Variants in SNTG1 observed in about 807,000 individuals in gnomAD.
SNTG1 encodes syntrophin gamma 1.
A neutral mutation model predicts 74.7 loss-of-function variants in SNTG1; 39 were observed. The ratio of observed to expected loss-of-function variants is 0.52; its 90% CI spans 0.40 to 0.68. The LOEUF is 0.68. Among genes scored for constraint, SNTG1 ranks in the 30% least tolerant of loss-of-function variants. SNTG1 has a pLI of 0.00. For synonymous variants in SNTG1, 254 were observed against 217.1 expected, an observed-to-expected ratio of 1.17 and a Z score of -1.49; for missense variants, 685 against 609.5, an observed-to-expected ratio of 1.12 and a Z score of -1.30.
chr8:49,964,893 T>C lies in SNTG1; in HGVS notation c.-103+52662T>C, dbSNP rs115466365. ...TGTATTTCATTTTTTCTATAATTGA[T>C]AGCCATGTATGGCACATTAAGTATT... On this transcript the variant is annotated intron_variant, in intron 1 of 18. Coordinates refer to ENST00000642720, the MANE Select transcript of SNTG1 (RefSeq NM_018967.5). Among the ~76,000 whole-genome samples the C allele has an allele frequency of 8.0e-3, 1,213 of 152,344 alleles. 14 individuals carry two copies. The highest frequency in any genetic ancestry group is 0.025 in the African/African-American group (1,058 of 41,572).
At chr8:50,552,861 A>C (rs527613257) in intron 11 of SNTG1, among the ~76,000 whole-genome samples, 189 bp from the exon 12 acceptor site, 112 of 152,298 alleles carry the variant, frequency 7.4e-4, no homozygotes, top group African/African-American at 2.6e-3. Context: ...TTGAAATTGT[A>C]TGTCATTTGG....
intron 1 of SNTG1, among the ~76,000 whole-genome samples, chr8:50,117,566 G>A (rs955434673): frequency 1.3e-5 from 2 of 152,132 alleles, no homozygotes; most frequent in African/African-American, 2.4e-5. Context: ...GTAGGGCATG[G>A]CACCAGTCCT....
At chr8:50,756,976 G>A (rs2095582151) in intron 18 of SNTG1, among the ~76,000 whole-genome samples, 1 of 151,638 alleles carries the variant, frequency 6.6e-6, no homozygotes, top group Admixed American at 6.6e-5. Flanking sequence ...GAATTTTTAT[G>A]TATTTAATTA....
intron 8 of SNTG1, among the ~76,000 whole-genome samples, chr8:50,455,605 T>C (rs1427378535): frequency 6.6e-6 from 1 of 152,214 alleles, no homozygotes. Flanking sequence ...TTATGATATA[T>C]GCCTAAGTCA....
At chr8:50,763,723 T>G (rs2095605639) in intron 18 of SNTG1, among the ~76,000 whole-genome samples, 1 of 147,854 alleles carries the variant, frequency 6.8e-6, no homozygotes, top group African/African-American at 2.5e-5. Context: ...AAGATAATTC[T>G]GTGTTCAGGG....
At chr8:50,646,569 T>C (rs1208115440) in intron 13 of SNTG1, among the ~76,000 whole-genome samples, 1 of 152,200 alleles carries the variant, frequency 6.6e-6, no homozygotes, top group Admixed American at 6.5e-5. Context: ...TTTTTTCAGT[T>C]TTATTATTTA....
chr8:50,268,445 G>A (rs931289377), intron 2 of SNTG1, among the ~76,000 whole-genome samples: 3 of 151,914 alleles, frequency 2.0e-5, no homozygotes, highest in African/African-American at 7.3e-5. Flanking sequence ...AAACATATAT[G>A]GAAATGCTCT....
At chr8:50,782,782 C>G (rs534637270) in intron 18 of SNTG1, among the ~76,000 whole-genome samples, 1 of 152,106 alleles carries the variant, frequency 6.6e-6, no homozygotes, top group Non-Finnish European at 1.5e-5. Flanking sequence ...AGAGGTGCTC[C>G]GGTTTTTAGA....
At chr8:50,094,443 G>T (rs1226691553) in intron 1 of SNTG1, among the ~76,000 whole-genome samples, 1 of 151,946 alleles carries the variant, frequency 6.6e-6, no homozygotes, top group East Asian at 1.9e-4. Flanking sequence ...TCTGACAAAG[G>T]TCTAATATCC....
intron 1 of SNTG1, among the ~76,000 whole-genome samples, chr8:50,030,517 T>C (rs540752534): frequency 4.9e-4 from 75 of 152,222 alleles, no homozygotes; most frequent in African/African-American, 1.7e-3. Context: ...AGTGGTTTTT[T>C]AATATATGGT....
intron 1 of SNTG1, among the ~76,000 whole-genome samples, chr8:50,153,777 T>C (rs1450193250): frequency 6.6e-6 from 1 of 152,152 alleles, no homozygotes; most frequent in African/African-American, 2.4e-5. Context: ...TCGTCTCAGA[T>C]GGGTACCCAG....
chr8:50,245,640 A>T (rs1401538751), intron 2 of SNTG1, among the ~76,000 whole-genome samples: 1 of 151,998 alleles, frequency 6.6e-6, no homozygotes, highest in Non-Finnish European at 1.5e-5. Flanking sequence ...CCGAGATTGC[A>T]CCACTGCACT....
chr8:49,956,341 A>C (rs535785589), intron 1 of SNTG1, among the ~76,000 whole-genome samples: 2 of 152,216 alleles, frequency 1.3e-5, no homozygotes, highest in Non-Finnish European at 2.9e-5. Context: ...GAAGTATCCA[A>C]ATTGACAAAA....
chr8:50,402,484 A>C, intron 4 of SNTG1, 140 bp downstream of exon 4: 1 of 1,044,852 alleles, frequency 9.6e-7, no homozygotes, highest in East Asian at 2.5e-5. Context: ...TTACATCATT[A>C]AGTAATCAGC....
intron 2 of SNTG1, among the ~76,000 whole-genome samples, chr8:50,231,712 G>A (rs778762071): frequency 6.0e-5 from 9 of 151,216 alleles, no homozygotes; most frequent in Non-Finnish European, 1.2e-4. Flanking sequence ...ACAAAGGCTG[G>A]GGACTGGGGA....
chr8:50,662,943 A>T (rs2095231995), intron 15 of SNTG1, among the ~76,000 whole-genome samples: 1 of 152,198 alleles, frequency 6.6e-6, no homozygotes, highest in Non-Finnish European at 1.5e-5. Flanking sequence ...ACTAGGTATT[A>T]AGGATAAATA....
intron 2 of SNTG1, among the ~76,000 whole-genome samples, chr8:50,393,959 G>C (rs980183778): frequency 3.3e-5 from 5 of 152,174 alleles, no homozygotes; most frequent in Admixed American, 3.3e-4. Flanking sequence ...GGGGTGGAAA[G>C]GTGCCTGGAA....
intron 1 of SNTG1, among the ~76,000 whole-genome samples, chr8:50,132,278 C>T (rs2081341988): frequency 6.6e-6 from 1 of 152,178 alleles, no homozygotes; most frequent in African/African-American, 2.4e-5. Context: ...CCTCAAGTAA[C>T]CATTGCAGCA....
In SNTG1 at chr8:50,373,128, A is replaced by T. The variant is rs765865279; in HGVS notation, c.-27-21084A>T. 5.5e-4 allele frequency among the ~76,000 whole-genome samples: 84 copies of T among 152,328 alleles called. 1 individual carries two copies. Among genetic ancestry groups the T allele is most frequent in the Non-Finnish European group, 4.4e-4 (30 of 68,020 alleles). ...GTAAGTAAAAATTTTTCCATGTGTTAATTACAAATCATTCCAATGTAGCAC... is the reference window on the plus strand; with the variant it reads ...GTAAGTAAAAATTTTTCCATGTGTTTATTACAAATCATTCCAATGTAGCAC... On this transcript the variant is annotated intron_variant, in intron 2 of 18. Coordinates refer to ENST00000642720, the MANE Select transcript of SNTG1 (RefSeq NM_018967.5).
Sources: allele counts gnomAD v4.1 joint callset (sites outside exome capture counted in the v4.1 genomes callset), GRCh38; gene constraint gnomAD v4.1.1; transcripts MANE v1.5; gene names NCBI Gene and HGNC (gene_info 2026-07-23, HGNC 2026-07-21).